The following RGS22 variants were observed in gnomAD, a reference collection of about 807,000 sequenced individuals.
RGS22 encodes regulator of G-protein signaling 22.
A neutral mutation model predicts 172.9 loss-of-function variants in RGS22; 148 were observed. The ratio of observed to expected loss-of-function variants is 0.86; its 90% confidence interval spans 0.75 to 0.98. The LOEUF is 0.98. Among genes scored for constraint, RGS22 ranks in the 50% least tolerant of loss-of-function variants. The pLI is 0.00. For synonymous variants in RGS22, 458 were observed against 480.2 expected, an observed-to-expected ratio of 0.95 and a Z score of 0.60; for missense variants, 1,347 against 1,440.8, an observed-to-expected ratio of 0.93 and a Z score of 1.05.
chr8:99,990,777 G>A (rs1813632696), intron 20 of RGS22, among the ~76,000 whole-genome samples: 2 of 152,182 alleles, frequency 1.3e-5, no homozygotes, highest in Non-Finnish European at 1.5e-5. Flanking sequence ...CGGCATTTGA[G>A]CTCTGAGAAC....
intron 23 of RGS22, among the ~76,000 whole-genome samples, chr8:99,975,882 A>G (rs1400942501): frequency 6.6e-6 from 1 of 152,024 alleles, no homozygotes; most frequent in Non-Finnish European, 1.5e-5. Flanking sequence ...CTAGAAGTGT[A>G]TTTGCTGATT....
chr8:100,042,104 T>C (rs1820202959), intron 11 of RGS22, 188 bp from the exon 12 acceptor site: 2 of 461,598 alleles, frequency 4.3e-6, no homozygotes, highest in South Asian at 2.5e-5. Context: ...GTCATAGTTA[T>C]ACAGAAAGAC....
At position 99,979,138 on chromosome 8, in the gene RGS22, A is replaced by G. The variant is rs184814275; in HGVS notation, c.3361-1063T>C. 4.1e-4 allele frequency among the ~76,000 whole-genome samples: 63 copies of G among 152,326 alleles called. 1 individual carries two copies. Among genetic ancestry groups the G allele is most frequent in the Admixed American group, 2.0e-3 (30 of 15,296 alleles). ...ACATTTTCATTTACATTTACCTGCC[A>G]TACATTTAATTAAGTAATCCCCTGT... On this transcript the variant is annotated intron_variant, in intron 22 of 27. Coordinates refer to ENST00000360863, the MANE Select transcript of RGS22 (RefSeq NM_015668.5).
At chr8:100,053,461 A>AGGGAGC (rs1821913492) in intron 9 of RGS22, among the ~76,000 whole-genome samples, 1 of 38,302 alleles carries the variant, frequency 2.6e-5, no homozygotes, top group African/African-American at 9.9e-5. Flanking sequence ...AGGGAGGGAG[A>AGGGAGC]GAGGGAGGGA....
At chr8:99,984,393 A>C (rs1812852655) in intron 21 of RGS22, among the ~76,000 whole-genome samples, 2 of 152,246 alleles carry the variant, frequency 1.3e-5, no homozygotes, top group African/African-American at 4.8e-5. Context: ...GTATACAATT[A>C]TAATTTTGAG....
intron 14 of RGS22, among the ~76,000 whole-genome samples, chr8:100,009,730 G>A (rs543223872): frequency 0.044 from 6,702 of 152,174 alleles, 213 homozygotes; most frequent in Non-Finnish European, 0.067. Context: ...GACAGATACA[G>A]ATATAAATTT....
intron 12 of RGS22, 89 bp from the exon 13 acceptor site, chr8:100,040,176 A>G (rs1427183431): frequency 1.4e-5 from 17 of 1,173,364 alleles, no homozygotes; most frequent in Middle Eastern, 1.9e-4. Context: ...AAACTCTACC[A>G]TGCTGTCATT....
chr8:100,094,434 C>T (rs1389825493), intron 2 of RGS22, among the ~76,000 whole-genome samples: 2 of 152,134 alleles, frequency 1.3e-5, no homozygotes, highest in Admixed American at 6.6e-5. Context: ...ATCAGGAAGA[C>T]ACTATAGCAT....
intron 19 of RGS22, among the ~76,000 whole-genome samples, chr8:99,998,404 G>C (rs796147328): frequency 6.6e-6 from 1 of 152,086 alleles, no homozygotes. Context: ...GCAGTGTTGA[G>C]ATTAAAACTT....
At chr8:100,021,489 A>G (rs902249985) in intron 14 of RGS22, among the ~76,000 whole-genome samples, 4 of 152,240 alleles carry the variant, frequency 2.6e-5, no homozygotes, top group African/African-American at 9.6e-5. Flanking sequence ...ATGAGAAAGT[A>G]CAAGGAACAT....
chr8:100,105,819 G>A (rs570499640), intron 1 of RGS22, 78 bp downstream of exon 1: 295 of 1,294,504 alleles, frequency 2.3e-4, no homozygotes, highest in Non-Finnish European at 2.9e-4. Context: ...AGGGCAGGAG[G>A]TAAAGTCCAG....
At chr8:99,968,027 G>A (rs945011734) in intron 23 of RGS22, among the ~76,000 whole-genome samples, 1 of 152,200 alleles carries the variant, frequency 6.6e-6, no homozygotes, top group South Asian at 2.1e-4. Context: ...AAAGCTTCCA[G>A]AAGAAGGAGC....
intron 10 of RGS22, among the ~76,000 whole-genome samples, chr8:100,049,997 C>T (rs1380204295): frequency 1.3e-5 from 2 of 149,132 alleles, no homozygotes; most frequent in East Asian, 2.0e-4. Context: ...TGTGGTGAGC[C>T]GAGACCATGC....
intron 12 of RGS22, among the ~76,000 whole-genome samples, chr8:100,040,967 T>A (rs541227007): frequency 1.3e-5 from 2 of 152,086 alleles, no homozygotes; most frequent in South Asian, 4.2e-4. Flanking sequence ...AAAAAAAAAA[T>A]CATTATTTTA....
At chr8:100,062,802 T>C (rs1810251545) in intron 8 of RGS22, 50 bp from the exon 9 acceptor site, 1 of 1,401,758 alleles carries the variant, frequency 7.1e-7, no homozygotes. Context: ...GGTAGAATAT[T>C]CAACTACCAA....
At chr8:100,002,105 GAAAAT>G (rs972687282) in intron 18 of RGS22, 92 bp downstream of exon 18, 10 of 936,502 alleles carry the variant, frequency 1.1e-5, no homozygotes, top group Middle Eastern at 2.9e-4. Context: ...ATAAGCAAAA[GAAAAT>G]AAAATAAGAG....
intron 22 of RGS22, among the ~76,000 whole-genome samples, chr8:99,980,851 G>A (rs1357736502): frequency 1.3e-5 from 2 of 152,160 alleles, no homozygotes; most frequent in Non-Finnish European, 2.9e-5. Flanking sequence ...CCCAGGCTAG[G>A]TTAAGCTATC....
chr8:99,967,952 A>C (rs1810927318), intron 23 of RGS22, among the ~76,000 whole-genome samples: 3 of 152,226 alleles, frequency 2.0e-5, no homozygotes, highest in Admixed American at 2.0e-4. Context: ...ACCTCCCAGC[A>C]GGGGTCGACA....
chr8:100,016,978 C>CT (rs71274949), intron 14 of RGS22, among the ~76,000 whole-genome samples: 363 of 36,130 alleles, frequency 0.01, 136 homozygotes, highest in Middle Eastern at 0.036. Flanking sequence ...CCTTACCAGT[C>CT]TTTTTTTTTT....
Sources: gnomAD v4.1 joint callset for allele counts (sites outside exome capture counted in the v4.1 genomes callset) on GRCh38, gnomAD v4.1.1 for gene constraint, MANE v1.5 for transcripts, NCBI Gene and HGNC (gene_info 2026-07-23, HGNC 2026-07-21) for gene names.